The following APBB1IP variants were observed in gnomAD, a reference collection of about 807,000 sequenced individuals.
The protein encoded by APBB1IP is amyloid beta precursor protein binding family B member 1 interacting protein.
A neutral mutation model predicts 64.9 loss-of-function variants in APBB1IP; 27 were observed. The ratio of observed to expected loss-of-function variants is 0.42; its 90% CI spans 0.31 to 0.57. APBB1IP has a LOEUF of 0.57. APBB1IP is among the 20% of genes least tolerant of loss of function. The pLI is 0.20. For synonymous variants in APBB1IP, 392 were observed against 331.0 expected (o/e 1.18, Z -2.00); for missense variants, 812 against 845.5 (o/e 0.96, Z 0.49).
At chr10:26,521,799 AGAGTGTAGT>A (rs965035507) in intron 8 of APBB1IP, among the ~76,000 whole-genome samples, 4 of 152,140 alleles carry the variant, frequency 2.6e-5, no homozygotes, top group Non-Finnish European at 5.9e-5. Context: ...CACCCAGGCT[AGAGTGTAGT>A]GGCATGATTA....
chr10:26,496,530 T>C (rs1836027388), intron 4 of APBB1IP, 139 bp downstream of exon 4: 1 of 677,846 alleles, frequency 1.5e-6, no homozygotes, highest in Non-Finnish European at 2.4e-6. Context: ...GATTTCAGAC[T>C]GGGTTTTACT....
chr10:26,492,561 G>A (rs892714569), intron 3 of APBB1IP, among the ~76,000 whole-genome samples, 163 bp downstream of exon 3: 6 of 152,206 alleles, frequency 3.9e-5, no homozygotes, highest in Middle Eastern at 3.4e-3. Flanking sequence ...AAGTGACGGC[G>A]GGTCTGAGAA....
At chr10:26,494,313 A>G (rs565207400) in intron 3 of APBB1IP, among the ~76,000 whole-genome samples, 2 of 152,378 alleles carry the variant, frequency 1.3e-5, no homozygotes, top group African/African-American at 4.8e-5. Context: ...GGCAGGGGCC[A>G]CTAAGCCAGG....
intron 9 of APBB1IP, among the ~76,000 whole-genome samples, chr10:26,534,294 CAAAAA>C (rs71403804): frequency 0.01 from 613 of 58,684 alleles, 4 homozygotes; most frequent in African/African-American, 0.04. Context: ...GATCCAGTCT[CAAAAA>C]AAAAAAAAAA....
At chr10:26,470,629 C>T (rs776670409) in intron 2 of APBB1IP, among the ~76,000 whole-genome samples, 1 of 152,194 alleles carries the variant, frequency 6.6e-6, no homozygotes, top group Non-Finnish European at 1.5e-5. Flanking sequence ...TTAGGCTATA[C>T]TAAGCTACAG....
chr10:26,567,351 G>C lies in APBB1IP; in HGVS notation c.1864G>C (p.Ala622Pro), dbSNP rs752613920. 1 of 1,469,036 alleles carries C rather than the reference G, an allele frequency of 6.8e-7. No individual in the cohort carries two copies. 91.0% of individuals were successfully genotyped at this position (1,469,036 alleles called of 1,614,324 possible). ...CCCCGACTCCGCCAGGCCGCCCCCC[G>C]CGGTGGCCAAGAGGCCTCCTGTGCC... Reference protein sequence around the residue: ...PVPDSARPPPAVAKRPPVPPK... With the variant: ...PVPDSARPPPPVAKRPPVPPK... Residue 622 changes from alanine to proline, a missense_variant, in exon 15 of 15, where the codon GCG (alanine) becomes CCG (proline). Ala to Pro is a conservative substitution (Grantham distance 27). Around this residue, in one of 3 missense-constraint regions of APBB1IP, gnomAD observed 381 missense variants for 352.1 expected, o/e 1.08. Coordinates refer to ENST00000376236, the MANE Select transcript of APBB1IP (RefSeq NM_019043.4).
intron 5 of APBB1IP, 76 bp from the exon 6 acceptor site, chr10:26,503,121 A>C: frequency 7.3e-7 from 1 of 1,369,402 alleles, no homozygotes; most frequent in Non-Finnish European, 1.0e-6. Context: ...TAGCTGAGAC[A>C]CTAGCAATGA....
intron 2 of APBB1IP, among the ~76,000 whole-genome samples, chr10:26,462,503 ATAGTATC>A (rs1427401729): frequency 2.6e-5 from 4 of 152,218 alleles, no homozygotes; most frequent in African/African-American, 9.6e-5. Context: ...AGATGATCAT[ATAGTATC>A]TCATTTAATA....
At chr10:26,502,498 C>T (rs954774053) in intron 5 of APBB1IP, among the ~76,000 whole-genome samples, 3 of 152,022 alleles carry the variant, frequency 2.0e-5, no homozygotes, top group African/African-American at 7.2e-5. Flanking sequence ...AAAAATTAGC[C>T]AGGCATGGTG....
chr10:26,501,169 G>T (rs1218837795), intron 5 of APBB1IP, 58 bp downstream of exon 5: 11 of 1,595,312 alleles, frequency 6.9e-6, no homozygotes, highest in Non-Finnish European at 9.5e-6. Flanking sequence ...TATCACTGAT[G>T]TTCCTTGAAG....
chr10:26,544,765 A>C (rs997997505), intron 11 of APBB1IP, among the ~76,000 whole-genome samples: 1 of 152,240 alleles, frequency 6.6e-6, no homozygotes, highest in African/African-American at 2.4e-5. Context: ...TACAATTGGC[A>C]GGACTTGAAC....
chr10:26,454,473 G>A (rs1728402472), intron 2 of APBB1IP, among the ~76,000 whole-genome samples: 1 of 151,810 alleles, frequency 6.6e-6, no homozygotes, highest in South Asian at 2.1e-4. Context: ...ACGACAGAGT[G>A]AGACTCTGTC....
intron 2 of APBB1IP, among the ~76,000 whole-genome samples, chr10:26,468,496 T>A (rs1347484797): frequency 6.6e-6 from 1 of 152,178 alleles, no homozygotes; most frequent in East Asian, 1.9e-4. Flanking sequence ...ACTGTGTAGA[T>A]GAATGAGTTT....
At chr10:26,466,747 G>A (rs1835653043) in intron 2 of APBB1IP, among the ~76,000 whole-genome samples, 1 of 152,132 alleles carries the variant, frequency 6.6e-6, no homozygotes, top group Non-Finnish European at 1.5e-5. Flanking sequence ...CCCAGCTTGG[G>A]CAACGTAGTG....
At chr10:26,467,185 C>T (rs987968100) in intron 2 of APBB1IP, among the ~76,000 whole-genome samples, 35 of 152,020 alleles carry the variant, frequency 2.3e-4, no homozygotes, top group African/African-American at 7.3e-4. Flanking sequence ...AGATTACAGG[C>T]GTGAGCCACC....
In APBB1IP at chr10:26,552,227, C is replaced by T. The variant is rs150878248; in HGVS notation, c.1156-7878C>T. Among the ~76,000 whole-genome samples, 42 of 152,300 alleles carry T rather than the reference C, an allele frequency of 2.8e-4. 3 individuals are homozygous for T. The highest frequency in any genetic ancestry group is 1.4e-3 in the Admixed American group (21 of 15,306). ...GAGGCAGGAGGATCCCTTGAGCCCA[C>T]ATTCAAGGTTGCAGTGAGTTATGAT... On this transcript the variant is annotated intron_variant, in intron 11 of 14. Coordinates refer to ENST00000376236, the MANE Select transcript of APBB1IP (RefSeq NM_019043.4).
intron 8 of APBB1IP, among the ~76,000 whole-genome samples, chr10:26,517,265 A>T (rs1836343970): frequency 2.0e-5 from 3 of 152,200 alleles, no homozygotes; most frequent in African/African-American, 7.2e-5. Flanking sequence ...AAGTGAACCA[A>T]CCCATGTAAT....
intron 2 of APBB1IP, among the ~76,000 whole-genome samples, chr10:26,470,382 CA>C (rs1564353569): frequency 2.6e-5 from 4 of 151,750 alleles, no homozygotes; most frequent in Admixed American, 2.0e-4. Flanking sequence ...ACTAAAAATA[CA>C]AAAAAATTAG....
At chr10:26,566,417 G>C (rs1837044790) in intron 14 of APBB1IP, among the ~76,000 whole-genome samples, 1 of 152,052 alleles carries the variant, frequency 6.6e-6, no homozygotes, top group Non-Finnish European at 1.5e-5. Flanking sequence ...ACCATACCAG[G>C]CTAATTTTTG....
Sources: allele counts gnomAD v4.1 joint callset (sites outside exome capture counted in the v4.1 genomes callset), GRCh38; gene constraint gnomAD v4.1.1; regional missense constraint gnomAD v4.1.1; transcripts MANE v1.5; gene names NCBI Gene and HGNC (gene_info 2026-07-23, HGNC 2026-07-21).